The following MPND variants were observed in gnomAD, a reference collection of about 807,000 sequenced individuals.
MPND encodes the protein MPN domain-containing protein.
In MPND, 56 loss-of-function variants were observed where a neutral mutation model predicts 59.2. The observed-to-expected ratio is 0.95, with a 90% confidence interval of 0.76 to 1.18. The LOEUF (loss-of-function observed/expected upper bound fraction) is 1.18. MPND is among the 50% of genes most tolerant of loss of function. MPND has a pLI of 0.00. For synonymous variants in MPND, 323 were observed against 291.9 expected (o/e 1.11, Z -1.09); for missense variants, 671 against 676.0 (o/e 0.99, Z 0.08).
chr19:4,353,001 G>T lies in MPND; in HGVS notation c.636G>T (p.Gly212=). 1 of 1,362,450 alleles carries T rather than the reference G, an allele frequency of 7.3e-7. No individual in the cohort carries two copies. Among genetic ancestry groups the T allele is most frequent in the Non-Finnish European group, 9.6e-7 (1 of 1,046,974 alleles). The allele number at this position is 1,362,450 out of a possible 1,614,324, so 84.4% of individuals were successfully genotyped here. The part of the protein sequence containing the change: ...SAEDKSRRPL[G]KSPSEPAHPE... ...AGGACAAGAGTCGGAGACCACTGGG[G>T]AAGAGCCCTTCAGAGCCTGCCCACC... Residue 212 remains glycine (G), a synonymous_variant, in exon 4 of 13, where the codon GGG becomes GGT. Transcript: ENST00000599840.
intron 11 of MPND, 119 bp downstream of exon 11, chr19:4,358,291 C>T: frequency 1.1e-6 from 1 of 873,432 alleles, no homozygotes; most frequent in East Asian, 2.7e-5. Context: ...CCTTGGGGGC[C>T]TGGGTTAGGG....
Position 4,352,997 on chromosome 19 carries a change from TG to T in MPND, c.636del (p.Lys213ArgfsTer46). 3 of 1,363,404 alleles carry T rather than the reference TG, an allele frequency of 2.2e-6. No homozygotes were observed. The highest frequency in any genetic ancestry group is 9.5e-7 in the Non-Finnish European group (1 of 1,047,822). The allele number at this position is 1,363,404 out of a possible 1,614,324, so 84.5% of individuals were successfully genotyped here. ...VSAEDKSRRP[L>X]GKSPSEPAHP... Reference sequence around the variant, plus strand: ...GCAGAGGACAAGAGTCGGAGACCACTGGGGAAGAGCCCTTCAGAGCCTGCCC... The same window carrying T: ...GCAGAGGACAAGAGTCGGAGACCACTGGGAAGAGCCCTTCAGAGCCTGCCC... On this transcript the variant is annotated frameshift_variant, in exon 4 of 13. Transcript: ENST00000599840. LOFTEE classifies it high-confidence loss of function.
intron 3 of MPND, chr19:4,347,861 G>T: frequency 4.0e-6 from 1 of 250,354 alleles, no homozygotes; most frequent in East Asian, 8.8e-5. Flanking sequence ...TGGTCACTCT[G>T]TAGCTGAATT....
chr19:4,357,443 G>C, intron 9 of MPND, 22 bp downstream of exon 9: 1 of 1,610,232 alleles, frequency 6.2e-7, no homozygotes, highest in Non-Finnish European at 8.5e-7. Context: ...GGGGCTGTGG[G>C]GGGAGCAAGG....
chr19:4,352,191 A>T lies in MPND; in HGVS notation c.532-706A>T, dbSNP rs138256636. 5.3e-3 allele frequency among the ~76,000 whole-genome samples: 809 copies of T among 152,032 alleles called. 5 individuals carry two copies. Among genetic ancestry groups the T allele is most frequent in the African/African-American group, 0.019 (783 of 41,500 alleles). ...GTGTCTCAAAGAAAAAAAAAAAGAT[A>T]AAAGAATAGATAGAGTTCAGAGAGT... On this transcript the variant is annotated intron_variant, in intron 3 of 12. Coordinates refer to ENST00000599840, the MANE Select transcript of MPND (RefSeq NM_001300862.2).
In MPND at chr19:4,358,145, C is replaced by T. The variant is rs777151498; in HGVS notation, c.1299C>T (p.Phe433=). Residue 433 remains phenylalanine (F), a synonymous_variant, in exon 11 of 13, where the codon TTC becomes TTT. Coordinates refer to ENST00000599840, the MANE Select transcript of MPND (RefSeq NM_001300862.2). The part of the protein sequence containing the change: ...DVEMAYVQDS[F]LTNDILHEMM... ...AGATGGCCTACGTCCAGGACAGCTTCCTGACCAATGACATCCTTCACGAGA... is the reference window on the plus strand; with the variant it reads ...AGATGGCCTACGTCCAGGACAGCTTTCTGACCAATGACATCCTTCACGAGA... The T allele has an allele frequency of 1.9e-6, 3 of 1,551,474 alleles. No homozygotes were observed. The highest frequency in any genetic ancestry group is 2.4e-5 in the South Asian group (2 of 84,064).
rs1972519907 is a variant in MPND at position 4,359,218 on chromosome 19, C to G, written c.1382C>G (p.Pro461Arg). The stretch of plus-strand genomic sequence containing the variant: ...CCTGACCTCGTGAGGCTCCAGGAAC[C>G]CTGGAGCCAGGAGCACACCTACCTC... Reference protein sequence around the residue: ...GSPDLVRLQEPWSQEHTYLDK... With the variant: ...GSPDLVRLQERWSQEHTYLDK... The change falls in exon 12 of 13, where the codon CCC becomes CGC. Residue 461 changes from proline (P) to arginine (R), a missense_variant. Coordinates refer to ENST00000599840, the MANE Select transcript of MPND (RefSeq NM_001300862.2). 6.2e-7 allele frequency: 1 copy of G among 1,613,168 alleles called. No individual in the cohort carries two copies. Among genetic ancestry groups the G allele is most frequent in the Non-Finnish European group, 8.5e-7 (1 of 1,179,746 alleles).
chr19:4,343,858 G>A lies in MPND; in HGVS notation c.158G>A (p.Gly53Asp). The change falls in exon 2 of 13, where the codon GGC becomes GAC. Residue 53 changes from glycine (G) to aspartate (D), a missense_variant. Transcript: ENST00000599840. ...GGCGGCAGTAGCGTCAGCGGAGGAGGCGGCGGCGGCGGGGCCGGGGCGGGG... is the reference window on the plus strand; with the variant it reads ...GGCGGCAGTAGCGTCAGCGGAGGAGACGGCGGCGGCGGGGCCGGGGCGGGG... Reference protein sequence around the residue: ...GGGGSSVSGGGGGGGAGAGGC... With the variant: ...GGGGSSVSGGDGGGGAGAGGC... 3 of 1,198,026 alleles carry A rather than the reference G, an allele frequency of 2.5e-6. No individual in the cohort carries two copies. Among genetic ancestry groups the A allele is most frequent in the Non-Finnish European group, 3.1e-6 (3 of 966,340 alleles). 74.2% of individuals were successfully genotyped at this position (1,198,026 alleles called of 1,614,324 possible).
At chr19:4,358,235 T>G in intron 11 of MPND, 63 bp downstream of exon 11, 1 of 1,420,322 alleles carries the variant, frequency 7.0e-7, no homozygotes, top group Non-Finnish European at 9.7e-7. Flanking sequence ...CACGATGCGT[T>G]GGTCTGCTTC....
intron 4 of MPND, among the ~76,000 whole-genome samples, chr19:4,353,547 C>T (rs1287751353): frequency 1.4e-5 from 2 of 144,798 alleles, no homozygotes; most frequent in African/African-American, 2.6e-5. Flanking sequence ...GGATTACAGG[C>T]GTGAGCCACT....
At chr19:4,351,861 C>CAAAAAAAAAAAAAA (rs1217874445) in intron 3 of MPND, among the ~76,000 whole-genome samples, 5 of 51,386 alleles carry the variant, frequency 9.7e-5, no homozygotes, top group Non-Finnish European at 1.4e-4. Flanking sequence ...GACTCTGTCT[C>CAAAAAAAAAAAAAA]AAAAAAAAAA....
chr19:4,356,238 T>C (rs1245839959), intron 8 of MPND, among the ~76,000 whole-genome samples: 2 of 151,948 alleles, frequency 1.3e-5, no homozygotes, highest in Admixed American at 6.6e-5. Context: ...TCCTTGTCTG[T>C]AAAATGAGCG....
At chr19:4,345,349 G>T (rs557517316) in intron 2 of MPND, among the ~76,000 whole-genome samples, 72 of 152,226 alleles carry the variant, frequency 4.7e-4, no homozygotes, top group African/African-American at 1.7e-3. Context: ...ACCCAGCCCT[G>T]TATTATTACT....
chr19:4,357,992 C>G (rs755989813), intron 10 of MPND, 91 bp from the exon 11 acceptor site: 28 of 1,072,602 alleles, frequency 2.6e-5, no homozygotes, highest in Non-Finnish European at 3.7e-5. Context: ...TGTGCACTCT[C>G]CCGTTCCCAG....
Position 4,345,841 on chromosome 19 carries a change from T to C in MPND, c.391T>C (p.Cys131Arg). ...FNSPSAWATH[C>R]KKLVNPAKKS... ...CTCACCCAGCGCCTGGGCCACCCAC[T>C]GCAAGAAGCTGGTGAACCCTGCCAA... is the stretch of plus-strand genomic sequence containing the variant. Residue 131 changes from cysteine to arginine, a missense_variant, in exon 3 of 13, where the codon TGC (cysteine) becomes CGC (arginine). Physicochemically the swap from Cys to Arg is radical, Grantham distance 180. Transcript: ENST00000599840. The C allele has an allele frequency of 6.2e-7, 1 of 1,614,060 alleles. No homozygotes were observed.
chr19:4,343,912 C>G lies in MPND; in HGVS notation c.212C>G (p.Thr71Ser). The change falls in exon 2 of 13, where the codon ACC becomes AGC. Residue 71 changes from threonine to serine, a missense_variant. Physicochemically the swap from Thr to Ser is moderately conservative, Grantham distance 58. Coordinates refer to ENST00000599840, the MANE Select transcript of MPND (RefSeq NM_001300862.2). ...GGCGGPGGAL[T>S]RRAVTLRVLL... ...TGCGGCGGGCCCGGGGGCGCGCTCA[C>G]CAGGCGCGCGGTCACACTGCGGGTG... 4 of 1,284,548 alleles carry G rather than the reference C, an allele frequency of 3.1e-6. No individual in the cohort carries two copies. The highest frequency in any genetic ancestry group is 3.9e-6 in the Non-Finnish European group (4 of 1,019,090). 79.6% of individuals were successfully genotyped at this position (1,284,548 alleles called of 1,614,324 possible). A position where few individuals can be genotyped will look rare whatever the true frequency, so the allele number is the denominator to read the frequency against.
At chr19:4,352,776 TG>T in intron 3 of MPND, 120 bp from the exon 4 acceptor site, 1 of 992,912 alleles carries the variant, frequency 1.0e-6, no homozygotes, top group Non-Finnish European at 1.3e-6. Flanking sequence ...CTCCCTCTAG[TG>T]GTCATGTGGG....
chr19:4,354,248 G>T (rs1252729947), intron 5 of MPND, 76 bp from the exon 6 acceptor site: 2 of 1,497,200 alleles, frequency 1.3e-6, no homozygotes, highest in Non-Finnish European at 1.8e-6. Context: ...GAGCTGTGGG[G>T]TTGGGGGAGT....
intron 3 of MPND, among the ~76,000 whole-genome samples, chr19:4,349,486 G>A (rs1457787238): frequency 1.3e-5 from 2 of 151,822 alleles, no homozygotes; most frequent in African/African-American, 2.4e-5. Flanking sequence ...GGAGGCTGCC[G>A]AGTCCTCAGT....
Sources: allele counts gnomAD v4.1 joint callset (sites outside exome capture counted in the v4.1 genomes callset), GRCh38; gene constraint gnomAD v4.1.1; transcripts MANE v1.5; gene names NCBI Gene and HGNC (gene_info 2026-07-23, HGNC 2026-07-21).